Variants in DIAPH3 observed in about 807,000 individuals in gnomAD.
DIAPH3 encodes diaphanous related formin 3.
A neutral mutation model predicts 144.3 loss-of-function variants in DIAPH3; 117 were observed. That is an observed-to-expected ratio of 0.81 (90% CI 0.70 to 0.95). DIAPH3 has a LOEUF of 0.95. Among genes scored for constraint, DIAPH3 ranks in the 40% least tolerant of loss-of-function variants. The pLI is 0.00. For missense variants in DIAPH3, 1,421 were observed against 1,412.7 expected, an observed-to-expected ratio of 1.01 and a Z score of -0.09; for synonymous variants, 519 against 488.9, an observed-to-expected ratio of 1.06 and a Z score of -0.81.
chr13:59,981,662 G>A (rs1195721034), intron 13 of DIAPH3, among the ~76,000 whole-genome samples: 2 of 150,966 alleles, frequency 1.3e-5, no homozygotes, highest in Admixed American at 6.6e-5. Flanking sequence ...AAATGAAAGC[G>A]ATACATGAAC....
chr13:59,762,091 G>T (rs1036507041), intron 27 of DIAPH3, among the ~76,000 whole-genome samples: 3 of 97,090 alleles, frequency 3.1e-5, no homozygotes, highest in African/African-American at 7.9e-5. Context: ...AGACAGTCTT[G>T]CTCTGTTGCC....
chr13:60,017,774 G>C (rs543815201), intron 5 of DIAPH3, among the ~76,000 whole-genome samples: 1 of 152,116 alleles, frequency 6.6e-6, no homozygotes, highest in African/African-American at 2.4e-5. Flanking sequence ...CACTTAAACA[G>C]GAAAGATACT....
At chr13:60,057,517 C>T (rs1219696523) in intron 4 of DIAPH3, among the ~76,000 whole-genome samples, 2 of 151,758 alleles carry the variant, frequency 1.3e-5, no homozygotes, top group African/African-American at 2.4e-5. Flanking sequence ...GATAACAATC[C>T]CATTCTTCAC....
In DIAPH3 at chr13:60,071,128, G is replaced by A. The variant is rs181379809; in HGVS notation, c.495+22500C>T. Among the ~76,000 whole-genome samples the A allele has an allele frequency of 1.6e-4, 24 of 152,150 alleles. No individual in the cohort carries two copies. The East Asian group carries it at 3.1e-3, about 20-fold the overall frequency. On this transcript the variant is annotated intron_variant, in intron 4 of 27. Coordinates refer to ENST00000400324, the MANE Select transcript of DIAPH3 (RefSeq NM_001042517.2). ...TTTCAGAAAATACTTCCCATTTTAC[G>A]TGTTTATTCTCTAGCCTTAACCTTA...
At chr13:59,801,263 G>A (rs1478669057) in intron 25 of DIAPH3, among the ~76,000 whole-genome samples, 1 of 152,160 alleles carries the variant, frequency 6.6e-6, no homozygotes, top group Non-Finnish European at 1.5e-5. Flanking sequence ...TGTAACACTT[G>A]AAGGCTACTT....
At position 59,924,824 on chromosome 13, in the gene DIAPH3, T is replaced by G. The variant is rs776010269; in HGVS notation, c.2121A>C (p.Lys707Asn). Residue 707 changes from lysine (K) to asparagine (N), a missense_variant, in exon 18 of 28, where the codon AAA becomes AAC. Physicochemically the swap from Lys to Asn is moderately conservative, Grantham distance 94. Coordinates refer to ENST00000400324, the MANE Select transcript of DIAPH3 (RefSeq NM_001042517.2). ...EDIEEKKSIK[K>N]KIKELKFLDS... is the part of the protein sequence containing the mutation. Reference sequence around the variant, plus strand: ...CTAAAAACTTAAGTTCTTTAATTTTTTTCTTAATCGATTTCTTCTCTTCAA... The same window carrying G: ...CTAAAAACTTAAGTTCTTTAATTTTGTTCTTAATCGATTTCTTCTCTTCAA... 134 of 1,602,028 alleles carry G rather than the reference T, an allele frequency of 8.4e-5. No homozygotes were observed. The highest frequency in any genetic ancestry group is 1.0e-4 in the Non-Finnish European group (122 of 1,171,752).
chr13:59,971,960 C>T (rs1437823780), intron 15 of DIAPH3, among the ~76,000 whole-genome samples: 3 of 152,150 alleles, frequency 2.0e-5, no homozygotes, highest in Non-Finnish European at 4.4e-5. Flanking sequence ...CTGATAGCAC[C>T]TTGTACTTTT....
At chr13:59,800,814 C>T (rs2039866707) in intron 25 of DIAPH3, among the ~76,000 whole-genome samples, 3 of 152,070 alleles carry the variant, frequency 2.0e-5, no homozygotes, top group Admixed American at 2.0e-4. Flanking sequence ...TTTTCATCTA[C>T]CAAAGCCAAA....
intron 1 of DIAPH3, among the ~76,000 whole-genome samples, chr13:60,137,328 T>C (rs190601741): frequency 4.9e-4 from 74 of 152,368 alleles, no homozygotes; most frequent in African/African-American, 1.7e-3. Context: ...TTGAAGATAG[T>C]ACATGCTGTC....
intron 22 of DIAPH3, among the ~76,000 whole-genome samples, chr13:59,844,503 C>A (rs373520476): frequency 2.1e-3 from 270 of 127,484 alleles, no homozygotes; most frequent in African/African-American, 2.4e-3. Context: ...GACTCCATCC[C>A]AAAAAAAAAA....
At chr13:59,991,987 G>A in intron 11 of DIAPH3, 81 bp downstream of exon 11, 1 of 1,067,724 alleles carries the variant, frequency 9.4e-7, no homozygotes, top group East Asian at 2.4e-5. Context: ...ATAGAAATGA[G>A]CTAAATATTT....
chr13:60,059,071 A>G lies in DIAPH3; in HGVS notation c.496-16251T>C, dbSNP rs190248873. The stretch of plus-strand genomic sequence containing the variant: ...AGATTAAAAACTGTTAATATGTATA[A>G]AAAGTATGACTTACATGTTCTATAT... On this transcript the variant is annotated intron_variant, in intron 4 of 27. Coordinates refer to ENST00000400324, the MANE Select transcript of DIAPH3 (RefSeq NM_001042517.2). 2.6e-5 allele frequency among the ~76,000 whole-genome samples: 4 copies of G among 152,052 alleles called. No homozygotes were observed. The East Asian group carries it at 5.8e-4, about 22-fold the overall frequency.
At chr13:59,944,401 T>C (rs1451981273) in intron 17 of DIAPH3, among the ~76,000 whole-genome samples, 6 of 152,188 alleles carry the variant, frequency 3.9e-5, no homozygotes, top group African/African-American at 1.2e-4. Flanking sequence ...TATAAATATA[T>C]GCATTTGTAT....
At chr13:59,990,953 A>T (rs997247586) in intron 12 of DIAPH3, among the ~76,000 whole-genome samples, 1 of 151,950 alleles carries the variant, frequency 6.6e-6, no homozygotes, top group Non-Finnish European at 1.5e-5. Context: ...GTAACCAGGA[A>T]TCCACAGGAG....
intron 20 of DIAPH3, among the ~76,000 whole-genome samples, chr13:59,884,931 G>T (rs907846311): frequency 7.9e-5 from 12 of 152,080 alleles, no homozygotes; most frequent in Non-Finnish European, 1.6e-4. Flanking sequence ...AGTACATATG[G>T]TATAATTTTT....
intron 24 of DIAPH3, among the ~76,000 whole-genome samples, chr13:59,828,356 T>C (rs1178967309): frequency 6.6e-6 from 1 of 152,028 alleles, no homozygotes; most frequent in African/African-American, 2.4e-5. Context: ...AACCCATCAA[T>C]GTAAATAGAC....
chr13:59,962,817 T>C (rs2049841244), intron 17 of DIAPH3, among the ~76,000 whole-genome samples: 1 of 152,178 alleles, frequency 6.6e-6, no homozygotes, highest in Admixed American at 6.6e-5. Context: ...CAAGATCTAG[T>C]TGCAAGTCTA....
At position 59,869,862 on chromosome 13, in the gene DIAPH3, G is replaced by C. The variant is rs184401926; in HGVS notation, c.2608-8326C>G. Among the ~76,000 whole-genome samples the C allele has an allele frequency of 3.6e-3, 543 of 152,130 alleles. 4 individuals carry two copies. The highest frequency in any genetic ancestry group is 0.013 in the African/African-American group (527 of 41,508). On this transcript the variant is annotated intron_variant, in intron 21 of 27. Coordinates refer to ENST00000400324, the MANE Select transcript of DIAPH3 (RefSeq NM_001042517.2). ...GGTTGTTTATTTCTTAGTTTTAAGA[G>C]TTTTTGTACATTTTAGATAAAAGTC...
intron 27 of DIAPH3, among the ~76,000 whole-genome samples, chr13:59,741,957 G>A (rs967182930): frequency 6.6e-6 from 1 of 152,056 alleles, no homozygotes; most frequent in African/African-American, 2.4e-5. Context: ...CCCAAGACTG[G>A]GTAATTCATA....
Sources: allele counts gnomAD v4.1 joint callset (sites outside exome capture counted in the v4.1 genomes callset), GRCh38; gene constraint gnomAD v4.1.1; transcripts MANE v1.5; gene names NCBI Gene and HGNC (gene_info 2026-07-23, HGNC 2026-07-21).